Variants in KCNT2 observed in about 807,000 individuals in gnomAD.
KCNT2 encodes potassium channel subfamily T member 2.
KCNT2 carries 67 observed loss-of-function variants against 153.8 expected under a neutral mutation model. The ratio of observed to expected loss-of-function variants is 0.44; its 90% CI spans 0.36 to 0.53. The LOEUF (loss-of-function observed/expected upper bound fraction) is 0.53. Ranked by LOEUF, KCNT2 falls within the 20% of genes least tolerant of loss-of-function variation. KCNT2 has a pLI of 0.00. For missense variants in KCNT2, 975 were observed against 1,354.8 expected, an observed-to-expected ratio of 0.72 and a Z score of 4.40; for synonymous variants, 500 against 458.8, an observed-to-expected ratio of 1.09 and a Z score of -1.15.
intron 8 of KCNT2, among the ~76,000 whole-genome samples, chr1:196,464,498 T>C (rs1454139456): frequency 6.6e-6 from 1 of 151,934 alleles, no homozygotes; most frequent in East Asian, 1.9e-4. Context: ...CCTAGCTCAG[T>C]TGTACTAGTG....
At chr1:196,431,837 T>C (rs1401939026) in intron 8 of KCNT2, among the ~76,000 whole-genome samples, 4 of 152,036 alleles carry the variant, frequency 2.6e-5, no homozygotes, top group Non-Finnish European at 5.9e-5. Flanking sequence ...AAAATTGTGC[T>C]CCAGAGAAAA....
At chr1:196,474,688 T>C (rs1241235075) in intron 5 of KCNT2, among the ~76,000 whole-genome samples, 2 of 152,342 alleles carry the variant, frequency 1.3e-5, no homozygotes, top group African/African-American at 2.4e-5. Flanking sequence ...TTTGTTTTTG[T>C]TTCCTTTTGA....
chr1:196,443,090 T>C (rs1675385447), intron 8 of KCNT2, among the ~76,000 whole-genome samples: 1 of 151,766 alleles, frequency 6.6e-6, no homozygotes, highest in Admixed American at 6.6e-5. Flanking sequence ...TTGTGTATTC[T>C]GTAACAAAGC....
intron 27 of KCNT2, among the ~76,000 whole-genome samples, chr1:196,228,546 A>G (rs549383498): frequency 8.3e-4 from 127 of 152,232 alleles, no homozygotes; most frequent in African/African-American, 2.9e-3. Context: ...GAAGATTATG[A>G]TGATGAATGC....
At chr1:196,402,888 A>C (rs1671536466) in intron 12 of KCNT2, among the ~76,000 whole-genome samples, 1 of 151,668 alleles carries the variant, frequency 6.6e-6, no homozygotes, top group Non-Finnish European at 1.5e-5. Context: ...TTTTCATAAT[A>C]GCTAAAATCT....
intron 26 of KCNT2, 191 bp downstream of exon 26, chr1:196,258,003 C>T: frequency 2.1e-6 from 3 of 1,402,988 alleles, no homozygotes; most frequent in Non-Finnish European, 1.8e-6. Context: ...TCAGCAAACG[C>T]TGAAAATTTT....
intron 25 of KCNT2, among the ~76,000 whole-genome samples, chr1:196,265,514 G>C (rs1390958400): frequency 1.3e-5 from 2 of 152,118 alleles, no homozygotes; most frequent in African/African-American, 4.8e-5. Context: ...GCTGACACTA[G>C]GCACAGGGGA....
intron 26 of KCNT2, among the ~76,000 whole-genome samples, chr1:196,239,052 G>T (rs1474997339): frequency 6.6e-6 from 1 of 151,628 alleles, no homozygotes; most frequent in African/African-American, 2.4e-5. Flanking sequence ...ATTGACTATG[G>T]CAAAGATACA....
intron 2 of KCNT2, among the ~76,000 whole-genome samples, chr1:196,490,470 T>A (rs1003219052): frequency 6.8e-5 from 10 of 147,818 alleles, no homozygotes; most frequent in African/African-American, 2.2e-4. Flanking sequence ...ATTATATATA[T>A]TATTTATTCA....
At chr1:196,418,254 T>A (rs181538829) in intron 12 of KCNT2, among the ~76,000 whole-genome samples, 19 of 152,072 alleles carry the variant, frequency 1.2e-4, no homozygotes, top group African/African-American at 4.3e-4. Context: ...GGCGGGCAGA[T>A]CACCTGTGGT....
chr1:196,426,179 A>T (rs1419086589), intron 10 of KCNT2, among the ~76,000 whole-genome samples, 191 bp from the exon 11 acceptor site: 1 of 152,066 alleles, frequency 6.6e-6, no homozygotes, highest in African/African-American at 2.4e-5. Context: ...CAACTGGGAC[A>T]TACACAAATC....
chr1:196,456,002 C>A (rs978244354), intron 8 of KCNT2, among the ~76,000 whole-genome samples: 1 of 152,038 alleles, frequency 6.6e-6, no homozygotes, highest in Non-Finnish European at 1.5e-5. Context: ...CAAGTTTAAA[C>A]AATTATCTGG....
At chr1:196,337,631 C>A (rs1225914864) in intron 16 of KCNT2, among the ~76,000 whole-genome samples, 1 of 152,068 alleles carries the variant, frequency 6.6e-6, no homozygotes, top group African/African-American at 2.4e-5. Context: ...CAGCCAGGCT[C>A]CCACTTTAGG....
Position 196,257,723 on chromosome 1 carries a change from T to C in KCNT2, c.3211+471A>G, listed in dbSNP as rs565610295. 2.0e-4 allele frequency: 198 copies of C among 983,818 alleles called. 2 individuals are homozygous for C. In the South Asian group the frequency reaches 5.9e-3, roughly 29 times the overall value. 60.9% of individuals were successfully genotyped at this position (983,818 alleles called of 1,614,324 possible). On this transcript the variant is annotated intron_variant, in intron 26 of 27. Coordinates refer to ENST00000294725, the MANE Select transcript of KCNT2 (RefSeq NM_198503.5). ...ATAAAGCAGTATTTGAGCTTCAAAA[T>C]TAAAGTTTTTGAAGATTTTGTTTCT... is the stretch of plus-strand genomic sequence containing the variant.
chr1:196,506,048 C>T (rs1235743728), intron 1 of KCNT2, among the ~76,000 whole-genome samples: 1 of 152,144 alleles, frequency 6.6e-6, no homozygotes, highest in African/African-American at 2.4e-5. Flanking sequence ...ATTTGACTTC[C>T]TCTTTTCCTA....
intron 26 of KCNT2, among the ~76,000 whole-genome samples, chr1:196,247,594 T>A (rs568650803): frequency 9.2e-5 from 14 of 152,090 alleles, no homozygotes; most frequent in African/African-American, 3.4e-4. Flanking sequence ...AGCAAACATA[T>A]CCTTCTTCAC....
At chr1:196,273,552 A>G in intron 25 of KCNT2, 1 of 1,172,232 alleles carries the variant, frequency 8.5e-7, no homozygotes, top group Non-Finnish European at 1.2e-6. Context: ...TAAACAATAG[A>G]TGCATGCCAA....
chr1:196,313,853 T>C (rs1662434087), intron 21 of KCNT2, among the ~76,000 whole-genome samples: 1 of 151,622 alleles, frequency 6.6e-6, no homozygotes, highest in Non-Finnish European at 1.5e-5. Context: ...GATTACTATA[T>C]ATATACCATA....
intron 26 of KCNT2, among the ~76,000 whole-genome samples, chr1:196,252,844 G>A (rs1656102513): frequency 6.6e-6 from 1 of 150,736 alleles, no homozygotes; most frequent in African/African-American, 2.4e-5. Flanking sequence ...TGTTATAGGT[G>A]GGCTATTTTT....
Sources: gnomAD v4.1 joint callset for allele counts (sites outside exome capture counted in the v4.1 genomes callset) on GRCh38, gnomAD v4.1.1 for gene constraint, MANE v1.5 for transcripts, NCBI Gene and HGNC (gene_info 2026-07-23, HGNC 2026-07-21) for gene names.